Variants in ZNF536 observed in about 807,000 individuals in gnomAD.
ZNF536 encodes zinc finger protein 536.
In ZNF536, 13 loss-of-function variants were observed where a neutral mutation model predicts 84.5. The observed-to-expected ratio is 0.15, with a 90% CI of 0.10 to 0.24. The LOEUF (loss-of-function observed/expected upper bound fraction) is 0.24, where lower values mean the gene tolerates loss of function less well. ZNF536 is among the 10% of genes least tolerant of loss of function. The pLI, the probability that ZNF536 is intolerant of heterozygous loss-of-function variation, is 1.00. For missense variants in ZNF536, 1,536 were observed against 1,747.5 expected (o/e 0.88, Z 2.16); for synonymous variants, 811 against 742.5 (o/e 1.09, Z -1.50).
intron 1 of ZNF536, among the ~76,000 whole-genome samples, chr19:30,610,688 G>T (rs1426726722): frequency 6.6e-6 from 1 of 152,100 alleles, no homozygotes; most frequent in Admixed American, 6.5e-5. Flanking sequence ...CACCCATTTT[G>T]TTTTCTTTTA....
chr19:30,398,747 T>C (rs186743774), intron 1 of ZNF536, among the ~76,000 whole-genome samples: 30 of 152,268 alleles, frequency 2.0e-4, no homozygotes, highest in South Asian at 8.3e-4. Flanking sequence ...GACATGAAAT[T>C]ATCCTTTTTT....
intron 1 of ZNF536, among the ~76,000 whole-genome samples, chr19:30,282,906 T>A (rs2045501786): frequency 6.6e-6 from 1 of 152,240 alleles, no homozygotes; most frequent in Non-Finnish European, 1.5e-5. Flanking sequence ...TGTCTCAAGA[T>A]AGGCAGGTAG....
chr19:30,480,218 G>T (rs1342161969), intron 2 of ZNF536, among the ~76,000 whole-genome samples: 1 of 152,128 alleles, frequency 6.6e-6, no homozygotes, highest in Non-Finnish European at 1.5e-5. Context: ...CTTCCTGACA[G>T]TCTTTGTCAT....
chr19:30,365,130 T>A (rs2048385661), intron 3 of ZNF536, among the ~76,000 whole-genome samples: 1 of 152,250 alleles, frequency 6.6e-6, no homozygotes, highest in Non-Finnish European at 1.5e-5. Flanking sequence ...AATGAACACG[T>A]AATTATCTTG....
At chr19:30,424,045 C>T (rs1317313307) in intron 1 of ZNF536, among the ~76,000 whole-genome samples, 1 of 152,196 alleles carries the variant, frequency 6.6e-6, no homozygotes, top group Non-Finnish European at 1.5e-5. Context: ...GCCCTGCTTG[C>T]TGTGAGTATG....
chr19:30,487,152 G>A (rs577549709), intron 2 of ZNF536, among the ~76,000 whole-genome samples: 9 of 152,260 alleles, frequency 5.9e-5, no homozygotes, highest in East Asian at 1.9e-4. Context: ...CGTTAAACTC[G>A]TTGACCCAGT....
intron 1 of ZNF536, among the ~76,000 whole-genome samples, chr19:30,578,243 C>T (rs990369815): frequency 1.3e-5 from 2 of 152,168 alleles, no homozygotes; most frequent in South Asian, 2.1e-4. Context: ...AAAAATGTTC[C>T]TCTGACTCAG....
At chr19:30,576,643 C>T (rs1321042623) in intron 1 of ZNF536, among the ~76,000 whole-genome samples, 2 of 152,330 alleles carry the variant, frequency 1.3e-5, no homozygotes, top group East Asian at 3.9e-4. Context: ...TGCCATGCAC[C>T]ATCCATACCC....
chr19:30,282,491 T>A lies in ZNF536; in HGVS notation c.-189-1581T>A, dbSNP rs554348107. On this transcript the variant is annotated intron_variant, in intron 1 of 5. Transcript: ENST00000585628. ...GACTTCCCCCGATGAAGACTCTCTG[T>A]GTTCTCCTGTCATTGGAATTTACAG... is the stretch of plus-strand genomic sequence containing the variant. 6.6e-5 allele frequency among the ~76,000 whole-genome samples: 10 copies of A among 152,214 alleles called. No homozygotes were observed. In the South Asian group the frequency reaches 1.0e-3, roughly 16 times the overall value.
intron 2 of ZNF536, among the ~76,000 whole-genome samples, chr19:30,314,113 C>T (rs1173711131): frequency 6.6e-6 from 1 of 152,174 alleles, no homozygotes; most frequent in Non-Finnish European, 1.5e-5. Flanking sequence ...TTGGAGGCCC[C>T]TGCTGTCTCC....
chr19:30,335,621 C>T (rs908300205), intron 2 of ZNF536, among the ~76,000 whole-genome samples: 1 of 152,150 alleles, frequency 6.6e-6, no homozygotes, highest in African/African-American at 2.4e-5. Flanking sequence ...CCTGGCACAT[C>T]TTAGCTCCTG....
intron 1 of ZNF536, among the ~76,000 whole-genome samples, chr19:30,623,879 A>G (rs1470592269): frequency 1.3e-5 from 2 of 152,186 alleles, no homozygotes; most frequent in Admixed American, 6.5e-5. Flanking sequence ...GCCTCAGTGC[A>G]TTTTGTATAA....
intron 1 of ZNF536, among the ~76,000 whole-genome samples, chr19:30,234,171 C>T (rs1026530461): frequency 1.3e-5 from 2 of 152,192 alleles, no homozygotes; most frequent in Admixed American, 6.5e-5. Context: ...GAGAAATGAT[C>T]ACCGTAGGCT....
At chr19:30,594,847 C>T (rs536265850) in intron 1 of ZNF536, among the ~76,000 whole-genome samples, 13 of 152,188 alleles carry the variant, frequency 8.5e-5, no homozygotes, top group Admixed American at 2.6e-4. Flanking sequence ...GCAGGAGGAC[C>T]GGGTGTGGAT....
intron 1 of ZNF536, among the ~76,000 whole-genome samples, chr19:30,432,422 C>T (rs1415857034): frequency 2.0e-5 from 3 of 152,102 alleles, no homozygotes; most frequent in African/African-American, 7.2e-5. Flanking sequence ...GGATCACTTC[C>T]AGCCCGGGTC....
At chr19:30,371,840 A>G (rs2048622952), upstream of ZNF536, among the ~76,000 whole-genome samples, 1 of 151,748 alleles carries the variant, frequency 6.6e-6, no homozygotes, top group Admixed American at 6.6e-5. Flanking sequence ...GTGTGTGTAT[A>G]TATATAAAGA....
intron 1 of ZNF536, among the ~76,000 whole-genome samples, chr19:30,672,348 C>A (rs2050591128): frequency 6.6e-6 from 1 of 152,150 alleles, no homozygotes; most frequent in African/African-American, 2.4e-5. Flanking sequence ...CAAGTTGGTA[C>A]CCTTACATGC....
intron 2 of ZNF536, among the ~76,000 whole-genome samples, chr19:30,333,911 T>C (rs2047296827): frequency 6.6e-6 from 1 of 152,222 alleles, no homozygotes; most frequent in South Asian, 2.1e-4. Context: ...ATATTCCTTT[T>C]CTGCAAAGAT....
chr19:30,331,749 C>A (rs2047218476), intron 2 of ZNF536, among the ~76,000 whole-genome samples: 1 of 152,138 alleles, frequency 6.6e-6, no homozygotes, highest in Non-Finnish European at 1.5e-5. Flanking sequence ...TCCATCACTG[C>A]CTTTCCCTCC....
Sources: gnomAD v4.1 joint callset for allele counts (sites outside exome capture counted in the v4.1 genomes callset) on GRCh38, gnomAD v4.1.1 for gene constraint, MANE v1.5 for transcripts, NCBI Gene and HGNC (gene_info 2026-07-23, HGNC 2026-07-21) for gene names.